ZFHX3: variants seen among roughly 807,000 people sequenced by gnomAD.
The protein encoded by ZFHX3 is zinc finger homeobox 3.
A neutral mutation model predicts 279.1 loss-of-function variants in ZFHX3; 42 were observed. The ratio of observed to expected loss-of-function variants is 0.15; its 90% CI spans 0.12 to 0.19. The LOEUF (loss-of-function observed/expected upper bound fraction) is 0.19, where lower values mean the gene tolerates loss of function less well. Ranked by LOEUF, ZFHX3 falls within the 10% of genes least tolerant of loss-of-function variation. The probability of loss-of-function intolerance (pLI) is 1.00; values close to 1 mark genes in which losing one functional copy is unlikely to be tolerated. For synonymous variants in ZFHX3, 2,293 were observed against 1,957.8 expected, an observed-to-expected ratio of 1.17 and a Z score of -4.52; for missense variants, 4,981 against 4,754.0, an observed-to-expected ratio of 1.05 and a Z score of -1.40.
At chr16:72,926,709 C>G (rs1003876045) in intron 3 of ZFHX3, among the ~76,000 whole-genome samples, 1 of 152,200 alleles carries the variant, frequency 6.6e-6, no homozygotes, top group African/African-American at 2.4e-5. Context: ...CCAACACAGA[C>G]AGCAGGCCCA....
chr16:73,806,976 G>A (rs936673002), intron 1 of ZFHX3, among the ~76,000 whole-genome samples: 1 of 152,178 alleles, frequency 6.6e-6, no homozygotes, highest in African/African-American at 2.4e-5. Context: ...GAGGTGAGGA[G>A]GATGGAGGAA....
At chr16:73,640,867 G>A (rs777222587) in intron 2 of ZFHX3, among the ~76,000 whole-genome samples, 4 of 152,122 alleles carry the variant, frequency 2.6e-5, no homozygotes, top group Non-Finnish European at 2.9e-5. Context: ...CTCAGTGAAC[G>A]CAAACAGACC....
chr16:73,025,417 A>G (rs1203636397), intron 1 of ZFHX3, among the ~76,000 whole-genome samples: 1 of 152,212 alleles, frequency 6.6e-6, no homozygotes. Context: ...GTAAATTGCT[A>G]TTGGCTTCTC....
At chr16:73,200,361 A>T (rs971025518) in intron 5 of ZFHX3, among the ~76,000 whole-genome samples, 1 of 152,134 alleles carries the variant, frequency 6.6e-6, no homozygotes, top group South Asian at 2.1e-4. Flanking sequence ...CCCTTCATGA[A>T]TTTTTATTTT....
At chr16:73,594,321 T>C (rs1452360532) in intron 2 of ZFHX3, among the ~76,000 whole-genome samples, 3 of 151,900 alleles carry the variant, frequency 2.0e-5, no homozygotes, top group Non-Finnish European at 4.4e-5. Context: ...AAGATCTACA[T>C]AGAGAACCAT....
At chr16:73,100,797 A>G (rs985169695) in intron 7 of ZFHX3, among the ~76,000 whole-genome samples, 3 of 152,068 alleles carry the variant, frequency 2.0e-5, no homozygotes, top group African/African-American at 7.2e-5. Flanking sequence ...GGGTTTCACT[A>G]TGTTGGCCAG....
chr16:73,469,626 TA>T (rs200846499), intron 2 of ZFHX3, among the ~76,000 whole-genome samples: 186 of 144,382 alleles, frequency 1.3e-3, no homozygotes, highest in Non-Finnish European at 1.9e-3. Flanking sequence ...TATATATATA[TA>T]TTTTTTTTGA....
At chr16:72,915,500 C>T (rs1347187756) in intron 3 of ZFHX3, among the ~76,000 whole-genome samples, 1 of 152,202 alleles carries the variant, frequency 6.6e-6, no homozygotes, top group African/African-American at 2.4e-5. Flanking sequence ...TGCAGTGGCT[C>T]ACACTTGTAA....
chr16:72,862,802 T>C, intron 4 of ZFHX3, among the ~76,000 whole-genome samples: 1 of 151,346 alleles, frequency 6.6e-6, no homozygotes, highest in East Asian at 1.9e-4. Flanking sequence ...ACAAGATACA[T>C]GATTCAGTTT....
intron 1 of ZFHX3, among the ~76,000 whole-genome samples, chr16:73,807,768 G>A (rs957676401): frequency 6.6e-6 from 1 of 151,330 alleles, no homozygotes; most frequent in Non-Finnish European, 1.5e-5. Flanking sequence ...ACTGCACCCA[G>A]CCAAAGTATC....
At chr16:72,918,413 TG>T (rs980906297) in intron 3 of ZFHX3, among the ~76,000 whole-genome samples, 2 of 152,148 alleles carry the variant, frequency 1.3e-5, no homozygotes, top group African/African-American at 2.4e-5. Flanking sequence ...AAAATTATGA[TG>T]GAAAAAATAG....
intron 2 of ZFHX3, among the ~76,000 whole-genome samples, chr16:72,953,602 C>CT (rs75079529): frequency 5.3e-4 from 81 of 151,496 alleles, no homozygotes; most frequent in African/African-American, 1.2e-3. Context: ...ACTTTAAGCT[C>CT]TTTTTTTTTC....
chr16:73,095,255 T>C (rs981511626), intron 7 of ZFHX3, among the ~76,000 whole-genome samples: 3 of 151,974 alleles, frequency 2.0e-5, no homozygotes, highest in Admixed American at 2.0e-4. Context: ...TTATACTGGA[T>C]GAAAAGAAAA....
intron 1 of ZFHX3, among the ~76,000 whole-genome samples, chr16:73,891,065 A>T (rs1040968992): frequency 2.9e-5 from 4 of 136,192 alleles, no homozygotes; most frequent in Non-Finnish European, 6.1e-5. Flanking sequence ...GATCACATTT[A>T]ATTCATTGCA....
chr16:73,669,279 C>T (rs2052877873), intron 2 of ZFHX3, among the ~76,000 whole-genome samples: 1 of 152,202 alleles, frequency 6.6e-6, no homozygotes, highest in Non-Finnish European at 1.5e-5. Flanking sequence ...GTCTCAAACT[C>T]CTGACCTCAG....
At chr16:73,796,271 A>C (rs1479495438) in intron 1 of ZFHX3, 1 of 152,208 alleles carries the variant, frequency 6.6e-6, no homozygotes, top group Admixed American at 6.5e-5. Context: ...ATGAGGTCTA[A>C]AAGACAGATG....
At chr16:73,110,218 G>A (rs1303944793) in intron 7 of ZFHX3, among the ~76,000 whole-genome samples, 2 of 151,542 alleles carry the variant, frequency 1.3e-5, no homozygotes, top group African/African-American at 4.8e-5. Flanking sequence ...AAAAAAAGAA[G>A]AGTTTCATTT....
At chr16:73,079,051 C>G (rs1965917290) in intron 8 of ZFHX3, among the ~76,000 whole-genome samples, 1 of 152,038 alleles carries the variant, frequency 6.6e-6, no homozygotes, top group South Asian at 2.1e-4. Flanking sequence ...ATCTTTGTAG[C>G]CTTAACTATT....
chr16:72,906,189 T>C (rs1185766429), intron 3 of ZFHX3, among the ~76,000 whole-genome samples: 3 of 151,894 alleles, frequency 2.0e-5, no homozygotes, highest in African/African-American at 7.3e-5. Context: ...CCTAGTGGAA[T>C]GAGACTGGAA....
Sources: allele counts gnomAD v4.1 joint callset (sites outside exome capture counted in the v4.1 genomes callset), GRCh38; gene constraint gnomAD v4.1.1; transcripts MANE v1.5; gene names NCBI Gene and HGNC (gene_info 2026-07-23, HGNC 2026-07-21).